CCDC152: variants seen among roughly 807,000 people sequenced by gnomAD.
The protein encoded by CCDC152 is coiled-coil domain containing 152.
A neutral mutation model predicts 38.1 loss-of-function variants in CCDC152; 37 were observed. That is an observed-to-expected ratio of 0.97 (90% CI 0.75 to 1.28). The LOEUF (loss-of-function observed/expected upper bound fraction) is 1.28, where lower values mean the gene tolerates loss of function less well. CCDC152 is among the 50% of genes most tolerant of loss of function. The pLI is 0.00. For missense variants in CCDC152, 259 were observed against 292.1 expected, an observed-to-expected ratio of 0.89 and a Z score of 0.83; for synonymous variants, 83 against 87.1, an observed-to-expected ratio of 0.95 and a Z score of 0.26.
chr5:42,760,182 T>C (rs1253455640), intron 2 of CCDC152, among the ~76,000 whole-genome samples: 1 of 151,548 alleles, frequency 6.6e-6, no homozygotes, highest in Non-Finnish European at 1.5e-5. Context: ...CAGGCTCCTA[T>C]AGTCCCAGCT....
At position 42,801,040 on chromosome 5, in the gene CCDC152, G is replaced by T. The variant is rs762871031; in HGVS notation, c.*1259G>T. 2 of 1,614,060 alleles carry T rather than the reference G, an allele frequency of 1.2e-6. No homozygotes were observed. The highest frequency in any genetic ancestry group is 1.7e-6 in the Non-Finnish European group (2 of 1,180,036). ...TGATTTATACATCTCTTTCGACAGA[G>T]CTTCTTTTGTAAATCTTGTAAATCT... On this transcript the variant is annotated 3_prime_UTR_variant, in exon 9 of 9. Coordinates refer to ENST00000361970, the MANE Select transcript of CCDC152 (RefSeq NM_001134848.2).
At chr5:42,767,797 T>C (rs1759645276) in intron 3 of CCDC152, among the ~76,000 whole-genome samples, 1 of 152,236 alleles carries the variant, frequency 6.6e-6, no homozygotes, top group South Asian at 2.1e-4. Context: ...GCTACTATAT[T>C]CTATGAATCA....
chr5:42,786,172 G>C lies in CCDC152; in HGVS notation c.430+2596G>C, dbSNP rs577709659. On this transcript the variant is annotated intron_variant, in intron 6 of 8. Coordinates refer to ENST00000361970, the MANE Select transcript of CCDC152 (RefSeq NM_001134848.2). ...CCCTCCTCCTCAATTTTTTGGAATA[G>C]TTTCAGTAATATTGGTACCAACTCT... Among the ~76,000 whole-genome samples, 12 of 152,150 alleles carry C rather than the reference G, an allele frequency of 7.9e-5. No homozygotes were observed. In the South Asian group the frequency reaches 1.9e-3, roughly 24 times the overall value.
Position 42,779,470 on chromosome 5 carries a change from A to G in CCDC152, c.275A>G (p.Gln92Arg). The change falls in exon 5 of 9, where the codon CAA becomes CGA. Residue 92 changes from glutamine to arginine, a missense_variant. By Grantham distance (43) the Gln-to-Arg change is conservative. Coordinates refer to ENST00000361970, the MANE Select transcript of CCDC152 (RefSeq NM_001134848.2). ...TATTCTTACACAGGTGAAAATGAAC[A>G]ACTAAAAATAAGTGCTGATCTTATA... ...YQQNLKGENE[Q>R]LKISADLIKE... 1 of 1,505,158 alleles carries G rather than the reference A, an allele frequency of 6.6e-7. No homozygotes were observed. The highest frequency in any genetic ancestry group is 9.0e-7 in the Non-Finnish European group (1 of 1,105,726). The allele number at this position is 1,505,158 out of a possible 1,614,324, so 93.2% of individuals were successfully genotyped here.
intron 4 of CCDC152, among the ~76,000 whole-genome samples, chr5:42,778,331 C>T (rs1759794978): frequency 6.6e-6 from 1 of 152,112 alleles, no homozygotes; most frequent in South Asian, 2.1e-4. Context: ...TGTCTCCACC[C>T]CCCAAGAGAT....
At chr5:42,757,348 T>G (rs910239990) in intron 1 of CCDC152, among the ~76,000 whole-genome samples, 11 of 151,464 alleles carry the variant, frequency 7.3e-5, no homozygotes, top group African/African-American at 2.4e-4. Context: ...ACCAACTGTG[T>G]GGGGTAGGGG....
At chr5:42,789,381 A>G (rs1759968230) in intron 6 of CCDC152, among the ~76,000 whole-genome samples, 1 of 152,158 alleles carries the variant, frequency 6.6e-6, no homozygotes, top group African/African-American at 2.4e-5. Context: ...ACTAGCATCC[A>G]ACATTCCTAG....
intron 7 of CCDC152, among the ~76,000 whole-genome samples, chr5:42,797,896 C>T (rs1228507635): frequency 1.3e-5 from 2 of 151,914 alleles, no homozygotes; most frequent in South Asian, 2.1e-4. Flanking sequence ...ACCTATAATC[C>T]CAGCACTTTG....
chr5:42,767,201 A>G (rs916697513), intron 3 of CCDC152, among the ~76,000 whole-genome samples: 1 of 152,100 alleles, frequency 6.6e-6, no homozygotes, highest in African/African-American at 2.4e-5. Flanking sequence ...GGAGGGGCAA[A>G]CTACACATGA....
At position 42,762,519 on chromosome 5, in the gene CCDC152, T is replaced by A; in HGVS notation, c.164T>A (p.Met55Lys). The change falls in exon 3 of 9, where the codon ATG becomes AAG. Residue 55 changes from methionine (M) to lysine (K), a missense_variant. Transcript: ENST00000361970. Reference protein sequence around the residue: ...LEKSNCLLKVMQAKEVSIKEE... With the variant: ...LEKSNCLLKVKQAKEVSIKEE... ...AAAAGTAATTGCCTATTAAAAGTAA[T>A]GCAAGCAAAGGAGGTCTCCATTAAA... 1.3e-6 allele frequency: 2 copies of A among 1,536,738 alleles called. No individual in the cohort carries two copies. Among genetic ancestry groups the A allele is most frequent in the Non-Finnish European group, 1.8e-6 (2 of 1,133,578 alleles).
At chr5:42,779,336 T>C in intron 4 of CCDC152, 122 bp from the exon 5 acceptor site, 2 of 654,442 alleles carry the variant, frequency 3.1e-6, no homozygotes, top group South Asian at 3.4e-5. Context: ...GCCTGAAGTG[T>C]AGCAGCTGCT....
At chr5:42,785,206 G>T (rs1759902267) in intron 6 of CCDC152, among the ~76,000 whole-genome samples, 2 of 152,006 alleles carry the variant, frequency 1.3e-5, no homozygotes, top group Admixed American at 1.3e-4. Flanking sequence ...TCATTTTGAT[G>T]ATATTGATTC....
At chr5:42,778,333 C>A (rs199512408) in intron 4 of CCDC152, among the ~76,000 whole-genome samples, 4 of 152,100 alleles carry the variant, frequency 2.6e-5, no homozygotes, top group African/African-American at 4.8e-5. Context: ...TCTCCACCCC[C>A]CAAGAGATGA....
At chr5:42,760,471 C>T (rs1029549631) in intron 2 of CCDC152, among the ~76,000 whole-genome samples, 1 of 152,142 alleles carries the variant, frequency 6.6e-6, no homozygotes, top group Non-Finnish European at 1.5e-5. Flanking sequence ...AAAAGCAAAG[C>T]CATTTAAAGT....
intron 5 of CCDC152, 28 bp downstream of exon 5, chr5:42,779,550 C>G (rs1458543487): frequency 7.4e-6 from 9 of 1,214,662 alleles, no homozygotes; most frequent in Non-Finnish European, 1.0e-5. Flanking sequence ...TCTATTCAGT[C>G]AAGTCCCTGT....
chr5:42,796,791 T>G lies in CCDC152; in HGVS notation c.431-38T>G, dbSNP rs575347001. 215 of 1,302,550 alleles carry G rather than the reference T, an allele frequency of 1.7e-4. 1 individual carries two copies. The South Asian group carries it at 3.2e-3, about 19-fold the overall frequency. 80.7% of individuals were successfully genotyped at this position (1,302,550 alleles called of 1,614,324 possible). A position where few individuals can be genotyped will look rare whatever the true frequency, so the allele number is the denominator to read the frequency against. On this transcript the variant is annotated intron_variant, in intron 6 of 8. Transcript: ENST00000361970. ...TACAAACTTATAATAATTTTGAAAT[T>G]TTTAACAAATGAATTTTATTTATTT...
intron 3 of CCDC152, among the ~76,000 whole-genome samples, chr5:42,767,435 C>T (rs1423655): frequency 0.71 from 107,264 of 151,914 alleles, 38,446 homozygotes; most frequent in East Asian, 0.86. Flanking sequence ...TTAGAGCCCA[C>T]ATTTGAGCTC....
intron 6 of CCDC152, among the ~76,000 whole-genome samples, chr5:42,786,497 G>T (rs995795987): frequency 2.6e-5 from 4 of 151,960 alleles, no homozygotes; most frequent in African/African-American, 9.7e-5. Context: ...TTCTGATTGT[G>T]CTTATTTGGA....
intron 6 of CCDC152, among the ~76,000 whole-genome samples, chr5:42,794,606 A>T (rs543879459): frequency 6.6e-6 from 1 of 152,316 alleles, no homozygotes; most frequent in African/African-American, 2.4e-5. Flanking sequence ...TATACTAAAC[A>T]TCAGAGAAAA....
Sources: gnomAD v4.1 joint callset for allele counts (sites outside exome capture counted in the v4.1 genomes callset) on GRCh38, gnomAD v4.1.1 for gene constraint, MANE v1.5 for transcripts, NCBI Gene and HGNC (gene_info 2026-07-23, HGNC 2026-07-21) for gene names.